GPR180: variants seen among roughly 807,000 people sequenced by gnomAD.
GPR180 encodes the protein G protein-coupled receptor 180.
GPR180 carries 53 observed loss-of-function variants against 52.6 expected under a neutral mutation model. That is an observed-to-expected ratio of 1.01 (90% CI 0.81 to 1.27). The LOEUF (loss-of-function observed/expected upper bound fraction) is 1.27. Among genes scored for constraint, GPR180 ranks in the 50% most tolerant of loss-of-function variants. The pLI is 0.00. For missense variants in GPR180, 533 were observed against 527.0 expected, an observed-to-expected ratio of 1.01 and a Z score of -0.11; for synonymous variants, 200 against 193.1, an observed-to-expected ratio of 1.04 and a Z score of -0.30.
At chr13:94,618,420 A>ATTTTTTTTTTTTTTTTTTTCTTT in intron 3 of GPR180, among the ~76,000 whole-genome samples, 1 of 87,156 alleles carries the variant, frequency 1.1e-5, no homozygotes, top group Non-Finnish European at 2.1e-5. Flanking sequence ...TCAGCACAGG[A>ATTTTTTTTTTTTTTTTTTTCTTT]TTTTTTTTTT....
chr13:94,605,447 G>C lies in GPR180; in HGVS notation c.202G>C (p.Glu68Gln). 6.2e-7 allele frequency: 1 copy of C among 1,614,080 alleles called. No homozygotes were observed. Among genetic ancestry groups the C allele is most frequent in the East Asian group, 2.2e-5 (1 of 44,856 alleles). ...INNIAVAVGK[E>Q]AKLYLFQAQE... ...CAACATAGCAGTAGCTGTTGGAAAA[G>C]AAGCTAAACTCTACCTGTTCCAAGC... Residue 68 changes from glutamate (E) to glutamine (Q), a missense_variant, in exon 2 of 9, where the codon GAA becomes CAA. Transcript: ENST00000376958.
intron 7 of GPR180, among the ~76,000 whole-genome samples, chr13:94,624,832 G>T (rs964748289): frequency 1.3e-5 from 2 of 151,904 alleles, no homozygotes; most frequent in East Asian, 3.9e-4. Flanking sequence ...GTGAGCCACC[G>T]CACCCAGCCT....
chr13:94,607,644 G>A (rs1227816288), intron 2 of GPR180, among the ~76,000 whole-genome samples: 2 of 152,150 alleles, frequency 1.3e-5, no homozygotes, highest in Non-Finnish European at 2.9e-5. Flanking sequence ...GAGAGCAGTA[G>A]GGCTCTTCTG....
At chr13:94,613,522 G>A (rs1889739470) in intron 3 of GPR180, among the ~76,000 whole-genome samples, 2 of 152,146 alleles carry the variant, frequency 1.3e-5, no homozygotes, top group Admixed American at 1.3e-4. Context: ...CTGGGTTCAA[G>A]CAATCCTCCC....
Position 94,605,395 on chromosome 13 carries a change from C to T in GPR180, c.150C>T (p.Asp50=), listed in dbSNP as rs755808397. 1.2e-6 allele frequency: 2 copies of T among 1,613,814 alleles called. No individual in the cohort carries two copies. Among genetic ancestry groups the T allele is most frequent in the South Asian group, 2.2e-5 (2 of 91,000 alleles). The change falls in exon 2 of 9, where the codon GAC becomes GAT. Residue 50 remains aspartate, a synonymous_variant. Coordinates refer to ENST00000376958, the MANE Select transcript of GPR180 (RefSeq NM_180989.6). The part of the protein sequence containing the change: ...QRIGHFEFHG[D]HALLCVRINN... The stretch of plus-strand genomic sequence containing the variant: ...GATTTTTGTTTTAATGTCAAGGTGA[C>T]CATGCTCTTCTGTGTGTCAGAATCA...
In GPR180 at chr13:94,634,023, CTG is replaced by C. The variant is rs368546157; in HGVS notation, c.*6854_*6855del. ...GATGAACTGTTGATCTGGTACCACA[CTG>C]TTTCAATTATTGTAGTCTTAAAATT... On this transcript the variant is annotated 3_prime_UTR_variant, in exon 9 of 9. Coordinates refer to ENST00000376958, the MANE Select transcript of GPR180 (RefSeq NM_180989.6). 74 of 152,148 alleles carry C rather than the reference CTG, an allele frequency of 4.9e-4. No individual in the cohort carries two copies. Among genetic ancestry groups the C allele is most frequent in the African/African-American group, 1.6e-3 (68 of 41,510 alleles). 9.4% of individuals were successfully genotyped at this position (152,148 alleles called of 1,614,324 possible).
Position 94,602,028 on chromosome 13 carries a change from C to A in GPR180, c.101C>A (p.Ala34Asp). The change falls in exon 1 of 9, where the codon GCC (alanine) becomes GAC (aspartate). Residue 34 changes from alanine to aspartate, a missense_variant. Transcript: ENST00000376958. The part of the protein sequence containing the change: ...TLRGSFSSTA[A>D]QDAQGQRIGH... Reference sequence around the variant, plus strand: ...CGGGGCAGCTTCAGCAGCACCGCGGCCCAGGACGCCCAGGGCCAGCGCATC... The same window carrying A: ...CGGGGCAGCTTCAGCAGCACCGCGGACCAGGACGCCCAGGGCCAGCGCATC... 1 of 1,453,720 alleles carries A rather than the reference C, an allele frequency of 6.9e-7. No homozygotes were observed. The highest frequency in any genetic ancestry group is 1.5e-5 in the African/African-American group (1 of 68,818). The allele number at this position is 1,453,720 out of a possible 1,614,324, so 90.1% of individuals were successfully genotyped here.
At chr13:94,626,318 AATAC>A (rs1889927905) in intron 8 of GPR180, among the ~76,000 whole-genome samples, 1 of 152,176 alleles carries the variant, frequency 6.6e-6, no homozygotes, top group Non-Finnish European at 1.5e-5. Context: ...GAGAATTTAT[AATAC>A]ATCTTTTAAA....
In GPR180 at chr13:94,619,319, T is replaced by A. The variant is rs1889821741; in HGVS notation, c.675T>A (p.Ile225=). ...CTGGTTCAGCTTTAGCTAATTACAT[T>A]CATTTCTCCAGGTAACTCAAAACCA... ...LQAGSALANY[I]HFSSYSKDGI... The change falls in exon 4 of 9, where the codon ATT becomes ATA. Residue 225 remains isoleucine (I), a synonymous_variant. Transcript: ENST00000376958. 2 of 1,613,912 alleles carry A rather than the reference T, an allele frequency of 1.2e-6. No individual in the cohort carries two copies. Among genetic ancestry groups the A allele is most frequent in the Non-Finnish European group, 1.7e-6 (2 of 1,179,880 alleles).
rs34288293 is a variant in GPR180, at chr13:94,602,482, CTTTTTT to C, written c.145+425_145+430del. Among the ~76,000 whole-genome samples the C allele has an allele frequency of 2.1e-3, 276 of 134,460 alleles. 1 individual carries two copies. Among genetic ancestry groups the C allele is most frequent in the African/African-American group, 6.2e-3 (223 of 35,706 alleles). The allele number at this position is 134,460 out of a possible 152,430, so 88.2% of individuals were successfully genotyped here. Reference sequence around the variant, plus strand: ...ATTTAACCCTAGAAACTTAAATTTCCTTTTTTTTTTTTTTTTTTTTAAAGACCAATT... The same window carrying C: ...ATTTAACCCTAGAAACTTAAATTTCCTTTTTTTTTTTTTTAAAGACCAATT... On this transcript the variant is annotated intron_variant, in intron 1 of 8. Coordinates refer to ENST00000376958, the MANE Select transcript of GPR180 (RefSeq NM_180989.6).
chr13:94,603,317 T>C lies in GPR180; in HGVS notation c.145+1245T>C, dbSNP rs534824976. On this transcript the variant is annotated intron_variant, in intron 1 of 8. Transcript: ENST00000376958. ...GTGGACAGTGTTGGAAAATGTGGGA[T>C]GTATAGAAGACGTGGGTTATTACTT... is the stretch of plus-strand genomic sequence containing the variant. Among the ~76,000 whole-genome samples the C allele has an allele frequency of 5.3e-5, 8 of 152,316 alleles. No homozygotes were observed. The South Asian group carries it at 1.4e-3, about 28-fold the overall frequency.
At position 94,631,332 on chromosome 13, in the gene GPR180, A is replaced by G. The variant is rs1032574453; in HGVS notation, c.*4161A>G. The stretch of plus-strand genomic sequence containing the variant: ...TCTTCCCTTTCCAACTGCCAGACAC[A>G]AAAGAAACCGCCTCCTATAATCCCT... On this transcript the variant is annotated 3_prime_UTR_variant, in exon 9 of 9. Transcript: ENST00000376958. 1 of 152,138 alleles carries G rather than the reference A, an allele frequency of 6.6e-6. No homozygotes were observed. Among genetic ancestry groups the G allele is most frequent in the Non-Finnish European group, 1.5e-5 (1 of 68,088 alleles). 9.4% of individuals were successfully genotyped at this position (152,138 alleles called of 1,614,324 possible).
intron 7 of GPR180, among the ~76,000 whole-genome samples, chr13:94,624,449 A>G (rs1272798592): frequency 1.3e-5 from 2 of 152,230 alleles, no homozygotes; most frequent in Non-Finnish European, 2.9e-5. Context: ...AGCGCAAGAC[A>G]AGAAGATGTC....
At chr13:94,620,490 C>A (rs1261884789) in intron 5 of GPR180, among the ~76,000 whole-genome samples, 1 of 152,170 alleles carries the variant, frequency 6.6e-6, no homozygotes, top group Admixed American at 6.5e-5. Flanking sequence ...GTGATGGCCA[C>A]CTGGTGGCAC....
At chr13:94,622,928 ATTTTG>A (rs1889870073) in intron 6 of GPR180, among the ~76,000 whole-genome samples, 176 bp from the exon 7 acceptor site, 1 of 152,146 alleles carries the variant, frequency 6.6e-6, no homozygotes. Flanking sequence ...ATAAAAATTC[ATTTTG>A]TCTAGCTTAG....
rs773744867 is a variant in GPR180 at position 94,602,103 on chromosome 13, G to A, written c.145+31G>A. ...TCTGGGGGCGGGGAGGGGGATGAAG[G>A]CGCGCTGGCCCATCCCGCCGGCTGA... On this transcript the variant is annotated intron_variant, in intron 1 of 8. Coordinates refer to ENST00000376958, the MANE Select transcript of GPR180 (RefSeq NM_180989.6). 10 of 1,306,720 alleles carry A rather than the reference G, an allele frequency of 7.7e-6. No homozygotes were observed. In the South Asian group the frequency reaches 2.0e-4, roughly 26 times the overall value. The allele number at this position is 1,306,720 out of a possible 1,614,324, so 80.9% of individuals were successfully genotyped here. A position where few individuals can be genotyped will look rare whatever the true frequency, so the allele number is the denominator to read the frequency against.
chr13:94,619,926 T>A (rs1889831004), intron 5 of GPR180, among the ~76,000 whole-genome samples: 1 of 152,152 alleles, frequency 6.6e-6, no homozygotes, highest in Admixed American at 6.6e-5. Flanking sequence ...CTCACTATGT[T>A]GCCCAGGCTG....
intron 2 of GPR180, 101 bp from the exon 3 acceptor site, chr13:94,612,089 A>C (rs898148957): frequency 1.5e-5 from 13 of 887,578 alleles, no homozygotes; most frequent in Admixed American, 2.3e-5. Flanking sequence ...TGAGACAATA[A>C]AAATTAAAAG....
Position 94,619,521 on chromosome 13 carries a change from A to G in GPR180, c.736+4A>G, listed in dbSNP as rs1889825647. ...TTTATGGGAAGTTTGGCAGAATGTG[A>G]GTATCTTTCTGAGCATTTTTTAAAA... On this transcript the variant is annotated splice_donor_region_variant and intron_variant, in intron 5 of 8. Transcript: ENST00000376958. 6.2e-7 allele frequency: 1 copy of G among 1,610,698 alleles called. No individual in the cohort carries two copies.
Sources: gnomAD v4.1 joint callset for allele counts (sites outside exome capture counted in the v4.1 genomes callset) on GRCh38, gnomAD v4.1.1 for gene constraint, MANE v1.5 for transcripts, NCBI Gene and HGNC (gene_info 2026-07-23, HGNC 2026-07-21) for gene names.